STRN: variants seen among roughly 807,000 people sequenced by gnomAD.
STRN encodes the protein protein phosphatase 2 regulatory subunit B'''alpha.
STRN carries 53 observed loss-of-function variants against 96.3 expected under a neutral mutation model. The ratio of observed to expected loss-of-function variants is 0.55; its 90% CI spans 0.44 to 0.69. The LOEUF (loss-of-function observed/expected upper bound fraction) is 0.69, where lower values mean the gene tolerates loss of function less well. Ranked by LOEUF, STRN falls within the 30% of genes least tolerant of loss-of-function variation. The pLI is 0.00. For synonymous variants in STRN, 428 were observed against 355.9 expected (o/e 1.20, Z -2.28); for missense variants, 987 against 963.9 (o/e 1.02, Z -0.32).
At chr2:36,852,773 T>A (rs572708192) in intron 15 of STRN, among the ~76,000 whole-genome samples, 101 of 152,354 alleles carry the variant, frequency 6.6e-4, no homozygotes, top group African/African-American at 2.0e-3. Flanking sequence ...TACAGGATTT[T>A]CATGTGGCTC....
rs1669148363 is a variant in STRN, at chr2:36,884,080, C to T, written c.1043-5G>A. On this transcript the variant is annotated splice_polypyrimidine_tract_variant and splice_region_variant and intron_variant, in intron 8 of 17. Coordinates refer to ENST00000263918, the MANE Select transcript of STRN (RefSeq NM_003162.4). ...GTAGTTTTGACCTATTGGGCCCTAG[C>T]CAAAAAAAGGGGGGGTGGGAGGAGA... 3.8e-6 allele frequency: 5 copies of T among 1,322,558 alleles called. No individual in the cohort carries two copies. In the South Asian group the frequency reaches 8.7e-5, roughly 23 times the overall value. 81.9% of individuals were successfully genotyped at this position (1,322,558 alleles called of 1,614,324 possible). A position where few individuals can be genotyped will look rare whatever the true frequency, so the allele number is the denominator to read the frequency against.
intron 15 of STRN, among the ~76,000 whole-genome samples, chr2:36,853,922 T>A (rs1221097988): frequency 6.6e-6 from 1 of 152,214 alleles, no homozygotes; most frequent in Non-Finnish European, 1.5e-5. Flanking sequence ...GATCATTTAT[T>A]CCAGTAATGT....
chr2:36,848,322 G>C lies in STRN; in HGVS notation c.*1134C>G, dbSNP rs564395204. The C allele has an allele frequency of 3.9e-5, 6 of 152,306 alleles. No homozygotes were observed. The South Asian group carries it at 1.0e-3, about 26-fold the overall frequency. The allele number at this position is 152,306 out of a possible 1,614,324, so 9.4% of individuals were successfully genotyped here. A position where few individuals can be genotyped will look rare whatever the true frequency, so the allele number is the denominator to read the frequency against. On this transcript the variant is annotated 3_prime_UTR_variant, in exon 18 of 18. Transcript: ENST00000263918. Reference sequence around the variant, plus strand: ...GGAGATTCTTACAGGGATTAATAGAGGACTTCTAGGGTACAAAATATTTGT... The same window carrying C: ...GGAGATTCTTACAGGGATTAATAGACGACTTCTAGGGTACAAAATATTTGT...
chr2:36,905,533 CACTT>C lies in STRN; in HGVS notation c.491+3_491+6del. The C allele has an allele frequency of 6.2e-7, 1 of 1,612,526 alleles. No homozygotes were observed. The highest frequency in any genetic ancestry group is 1.7e-5 in the Admixed American group (1 of 59,996). On this transcript the variant is annotated splice_donor_5th_base_variant and intron_variant, in intron 4 of 17. Coordinates refer to ENST00000263918, the MANE Select transcript of STRN (RefSeq NM_003162.4). ...GCCATTTATAAGTTTCACCATGAGA[CACTT>C]ACTGTCTGAGTAGTTGTCGACCTTG...
chr2:36,936,592 T>G (rs574081278), intron 1 of STRN, among the ~76,000 whole-genome samples: 2 of 152,304 alleles, frequency 1.3e-5, no homozygotes, highest in East Asian at 3.9e-4. Context: ...ACTACATGTA[T>G]GTAAGTGACT....
chr2:36,899,632 G>C lies in STRN; in HGVS notation c.686C>G (p.Ser229Cys). The change falls in exon 6 of 18, where the codon TCC (serine) becomes TGC (cysteine). Residue 229 changes from serine (S) to cysteine (C), a missense_variant. Physicochemically the swap from Ser to Cys is moderately radical, Grantham distance 112. Transcript: ENST00000263918. ...IAKSELTDSA[S>C]VLDNFKFLES... ...AAGGAATTTGAAATTATCCAGCACG[G>C]AGGCAGAATCTGTTAACTCAGATTT... is the stretch of plus-strand genomic sequence containing the variant. 5.0e-6 allele frequency: 8 copies of C among 1,611,970 alleles called. No individual in the cohort carries two copies. The highest frequency in any genetic ancestry group is 6.8e-6 in the Non-Finnish European group (8 of 1,179,078).
chr2:36,955,690 A>G (rs1381465489), intron 1 of STRN, among the ~76,000 whole-genome samples: 1 of 151,994 alleles, frequency 6.6e-6, no homozygotes, highest in Non-Finnish European at 1.5e-5. Context: ...AGCTATCACC[A>G]CTTACTTCTG....
At chr2:36,957,081 C>G (rs1326630353) in intron 1 of STRN, among the ~76,000 whole-genome samples, 1 of 152,204 alleles carries the variant, frequency 6.6e-6, no homozygotes. Context: ...TCACAACAAA[C>G]AGCCTTGCAG....
rs1669143563 is a variant in STRN, at chr2:36,883,915, G to A, written c.1186+17C>T. 3 of 1,331,782 alleles carry A rather than the reference G, an allele frequency of 2.3e-6. No homozygotes were observed. The highest frequency in any genetic ancestry group is 5.7e-5 in the South Asian group (2 of 35,326). 82.5% of individuals were successfully genotyped at this position (1,331,782 alleles called of 1,614,324 possible). A position where few individuals can be genotyped will look rare whatever the true frequency, so the allele number is the denominator to read the frequency against. On this transcript the variant is annotated intron_variant, in intron 9 of 17. Transcript: ENST00000263918. ...ATCCAAGTGCATTTTGTGCTCCAGA[G>A]TATCTTAAATACTTACCTTCATCTG...
Position 36,857,892 on chromosome 2 carries a change from C to T in STRN, c.1801G>A (p.Val601Ile). 1 of 1,614,096 alleles carries T rather than the reference C, an allele frequency of 6.2e-7. No homozygotes were observed. The highest frequency in any genetic ancestry group is 1.1e-5 in the South Asian group (1 of 91,082). Reference protein sequence around the residue: ...GTLRLWNTTEVAPALSVFNDT... With the variant: ...GTLRLWNTTEIAPALSVFNDT... ...TTAAATACACTTAGTGCTGGAGCAA[C>T]CTCAGTTGTATTCCATAAACGCAGA... Residue 601 changes from valine (V) to isoleucine (I), a missense_variant, in exon 14 of 18, where the codon GTT becomes ATT. Val to Ile is a conservative substitution (Grantham distance 29). Coordinates refer to ENST00000263918, the MANE Select transcript of STRN (RefSeq NM_003162.4).
chr2:36,868,331 A>G (rs1258055991), intron 11 of STRN, among the ~76,000 whole-genome samples: 2 of 152,252 alleles, frequency 1.3e-5, no homozygotes, highest in African/African-American at 4.8e-5. Context: ...GGACACAATC[A>G]TGCACATAGT....
intron 10 of STRN, among the ~76,000 whole-genome samples, chr2:36,871,645 T>C (rs1572636120): frequency 6.6e-6 from 1 of 152,352 alleles, no homozygotes; most frequent in Non-Finnish European, 1.5e-5. Context: ...GCTGTTATTT[T>C]GGGCATTATT....
intron 7 of STRN, among the ~76,000 whole-genome samples, chr2:36,891,638 G>GTA (rs1449502620): frequency 3.3e-5 from 5 of 152,158 alleles, no homozygotes; most frequent in Non-Finnish European, 5.9e-5. Context: ...AATATCTCTT[G>GTA]TAGACCTTGT....
At chr2:36,945,783 GA>G (rs1670967339) in intron 1 of STRN, among the ~76,000 whole-genome samples, 1 of 152,024 alleles carries the variant, frequency 6.6e-6, no homozygotes, top group Non-Finnish European at 1.5e-5. Context: ...AGTTAAATGA[GA>G]AAAAACAACA....
At chr2:36,920,467 C>T (rs1386540707) in intron 2 of STRN, among the ~76,000 whole-genome samples, 2 of 151,684 alleles carry the variant, frequency 1.3e-5, no homozygotes, top group African/African-American at 4.8e-5. Flanking sequence ...GGAGAAACCC[C>T]GTCTCTAACA....
chr2:36,961,811 T>G (rs1407667461), intron 1 of STRN, among the ~76,000 whole-genome samples: 1 of 152,172 alleles, frequency 6.6e-6, no homozygotes, highest in Non-Finnish European at 1.5e-5. Context: ...CTTCTTCCAT[T>G]AGTACCTGTT....
At position 36,879,925 on chromosome 2, in the gene STRN, T is replaced by A. The variant is rs538281866; in HGVS notation, c.1187-1898A>T. Among the ~76,000 whole-genome samples the A allele has an allele frequency of 4.0e-5, 6 of 151,648 alleles. No homozygotes were observed. The South Asian group carries it at 1.2e-3, about 32-fold the overall frequency. ...TGAGAGGACCCTTTGGGGCCAGATG[T>A]CTGAGACCAGCCTGGGCGACAGGGC... On this transcript the variant is annotated intron_variant, in intron 9 of 17. Coordinates refer to ENST00000263918, the MANE Select transcript of STRN (RefSeq NM_003162.4).
chr2:36,949,678 G>A (rs1664703417), intron 1 of STRN, among the ~76,000 whole-genome samples: 1 of 152,196 alleles, frequency 6.6e-6, no homozygotes, highest in African/African-American at 2.4e-5. Flanking sequence ...TGAAAGCTGA[G>A]GCTAGGTTTC....
chr2:36,877,688 G>A (rs966149247), intron 10 of STRN, among the ~76,000 whole-genome samples: 8 of 152,086 alleles, frequency 5.3e-5, no homozygotes, highest in African/African-American at 1.4e-4. Flanking sequence ...GGCACCTGCC[G>A]CCATGCCTGG....
Sources: allele counts gnomAD v4.1 joint callset (sites outside exome capture counted in the v4.1 genomes callset), GRCh38; gene constraint gnomAD v4.1.1; transcripts MANE v1.5; gene names NCBI Gene and HGNC (gene_info 2026-07-23, HGNC 2026-07-21).